Variants in ARHGAP32 observed in about 807,000 individuals in gnomAD.
The protein encoded by ARHGAP32 is rho GTPase-activating protein 32.
In ARHGAP32, 51 loss-of-function variants were observed where a neutral mutation model predicts 186.5. That is an observed-to-expected ratio of 0.27 (90% confidence interval 0.22 to 0.35). The LOEUF (loss-of-function observed/expected upper bound fraction) is 0.35. ARHGAP32 is among the 10% of genes least tolerant of loss of function. The pLI, the probability that ARHGAP32 is intolerant of heterozygous loss-of-function variation, is 1.00. For synonymous variants in ARHGAP32, 950 were observed against 964.3 expected, an observed-to-expected ratio of 0.99 and a Z score of 0.27; for missense variants, 2,186 against 2,623.5, an observed-to-expected ratio of 0.83 and a Z score of 3.64.
At chr11:129,184,619 C>T (rs1230510158) in intron 1 of ARHGAP32, among the ~76,000 whole-genome samples, 2 of 151,718 alleles carry the variant, frequency 1.3e-5, no homozygotes, top group Admixed American at 1.3e-4. Flanking sequence ...TTAATAGAGG[C>T]AAAGGCAATA....
At chr11:129,257,586 C>A (rs1273822915) in intron 1 of ARHGAP32, among the ~76,000 whole-genome samples, 1 of 151,022 alleles carries the variant, frequency 6.6e-6, no homozygotes, top group Admixed American at 6.6e-5. Context: ...CCAGACTGGG[C>A]AACATAACAA....
chr11:129,266,774 T>C (rs1445013168), intron 1 of ARHGAP32, among the ~76,000 whole-genome samples: 3 of 152,228 alleles, frequency 2.0e-5, no homozygotes, highest in East Asian at 1.9e-4. Context: ...CCCCTGACCA[T>C]GGGGCCAGCT....
At position 128,969,726 on chromosome 11, in the gene ARHGAP32, T is replaced by C. The variant is rs559352852; in HGVS notation, c.5487A>G (p.Ala1829=). The stretch of plus-strand genomic sequence containing the variant: ...CTCCCTCGGGACTGATGGCCTTGGC[T>C]GCATGGCGGCTCTCCTTTCCTTCTG... ...SVAEGKESRH[A]AKAISPEGED... Residue 1829 remains alanine (A), a synonymous_variant, in exon 23 of 23, where the codon GCA becomes GCG. Coordinates refer to ENST00000682385, the MANE Select transcript of ARHGAP32 (RefSeq NM_001378024.1). This position sits in a 1 kb window ranked among gnomAD's most constrained non-coding sequence, Gnocchi z 4.8. The C allele has an allele frequency of 4.3e-6, 7 of 1,614,086 alleles. No individual in the cohort carries two copies. Among genetic ancestry groups the C allele is most frequent in the Non-Finnish European group, 5.9e-6 (7 of 1,180,038 alleles).
chr11:129,102,386 A>T (rs1156437062), intron 5 of ARHGAP32, among the ~76,000 whole-genome samples: 1 of 152,182 alleles, frequency 6.6e-6, no homozygotes, highest in East Asian at 1.9e-4. Flanking sequence ...TAAATACCCC[A>T]ATTAAAAGAC....
intron 1 of ARHGAP32, among the ~76,000 whole-genome samples, chr11:129,167,177 G>A (rs1367940116): frequency 4.6e-5 from 7 of 152,068 alleles, no homozygotes; most frequent in Non-Finnish European, 8.8e-5. Flanking sequence ...TATTAAAATG[G>A]TAAACTTAAA....
At chr11:129,278,916 G>GGGGCGC (rs1228146769) in intron 1 of ARHGAP32, among the ~76,000 whole-genome samples, 1 of 148,760 alleles carries the variant, frequency 6.7e-6, no homozygotes, top group Non-Finnish European at 1.5e-5. Context: ...CGGGGAGCGC[G>GGGGCGC]GGGCGCGGGC....
Position 129,148,104 on chromosome 11 carries a change from T to G in ARHGAP32, c.225+16215A>C, listed in dbSNP as rs138554431. On this transcript the variant is annotated intron_variant, in intron 2 of 22. Coordinates refer to ENST00000682385, the MANE Select transcript of ARHGAP32 (RefSeq NM_001378024.1). The stretch of plus-strand genomic sequence containing the variant: ...AAGATAGATGGTGGATAGCAGACAA[T>G]GCTAACGTGTAGCTCCCACTTGGAC... 5.0e-3 allele frequency among the ~76,000 whole-genome samples: 760 copies of G among 152,326 alleles called. 1 individual carries two copies. Among genetic ancestry groups the G allele is most frequent in the African/African-American group, 0.018 (730 of 41,568 alleles).
At chr11:129,097,744 A>C (rs1190682743) in intron 5 of ARHGAP32, among the ~76,000 whole-genome samples, 1 of 152,192 alleles carries the variant, frequency 6.6e-6, no homozygotes, top group African/African-American at 2.4e-5. Flanking sequence ...AGGGACAAAG[A>C]GATTATTTGA....
chr11:129,091,114 T>C (rs1941566633), intron 6 of ARHGAP32, among the ~76,000 whole-genome samples: 1 of 152,084 alleles, frequency 6.6e-6, no homozygotes, highest in Non-Finnish European at 1.5e-5. Flanking sequence ...CACCACAGCA[T>C]CACAGACCTA....
chr11:129,215,675 T>C (rs1293900119), intron 1 of ARHGAP32, among the ~76,000 whole-genome samples: 4 of 152,188 alleles, frequency 2.6e-5, no homozygotes, highest in Non-Finnish European at 5.9e-5. Flanking sequence ...CTCTCCTGTC[T>C]CTCTGAGAAT....
rs1302259578 is a variant in ARHGAP32, at chr11:128,971,018, T to A, written c.4195A>T (p.Lys1399Ter). The change falls in exon 23 of 23, where the codon AAA becomes TAA. Residue 1399 changes from lysine (K) to a stop codon, truncating the protein, a stop_gained. Coordinates refer to ENST00000682385, the MANE Select transcript of ARHGAP32 (RefSeq NM_001378024.1). LOFTEE classifies it high-confidence loss of function. ...ATAVQPGLPE[K>*]VRDGARVPLL... is the part of the protein sequence containing the mutation. The stretch of plus-strand genomic sequence containing the variant: ...GGGACCCGGGCACCGTCCCGCACTT[T>A]CTCAGGCAGGCCTGGCTGGACAGCT... 6.2e-7 allele frequency: 1 copy of A among 1,613,906 alleles called. No homozygotes were observed. Among genetic ancestry groups the A allele is most frequent in the Admixed American group, 1.7e-5 (1 of 60,022 alleles).
intron 1 of ARHGAP32, among the ~76,000 whole-genome samples, chr11:129,252,273 T>G (rs1945196188): frequency 6.6e-6 from 1 of 152,126 alleles, no homozygotes; most frequent in Admixed American, 6.5e-5. Context: ...CACAACAAAC[T>G]CCTACTCTCG....
intron 11 of ARHGAP32, chr11:129,023,744 C>T: frequency 4.2e-6 from 1 of 236,018 alleles, no homozygotes; most frequent in Non-Finnish European, 6.9e-6. Flanking sequence ...AACCATTTAC[C>T]TAAGAGAGCA....
chr11:129,034,823 A>T (rs1178096303), intron 11 of ARHGAP32, among the ~76,000 whole-genome samples: 1 of 145,406 alleles, frequency 6.9e-6, no homozygotes, highest in Non-Finnish European at 1.5e-5. Context: ...GTCTCAAAAA[A>T]AAGAAAAAGA....
In ARHGAP32 at chr11:129,197,916, T is replaced by G. The variant is rs142501679; in HGVS notation, c.-4-33489A>C. 4.2e-3 allele frequency among the ~76,000 whole-genome samples: 638 copies of G among 152,326 alleles called. 9 individuals carry two copies. Among genetic ancestry groups the G allele is most frequent in the African/African-American group, 0.014 (598 of 41,578 alleles). ...ATTATATATACATTGACATTTGGTT[T>G]AATTCACAATGGTATCTAAAGAGGA... On this transcript the variant is annotated intron_variant, in intron 1 of 6. Coordinates refer to the ARHGAP32 transcript ENST00000525234.
At chr11:129,222,073 C>T (rs1944719680) in intron 1 of ARHGAP32, among the ~76,000 whole-genome samples, 2 of 152,124 alleles carry the variant, frequency 1.3e-5, no homozygotes, top group South Asian at 2.1e-4. Context: ...TTGGAGTTTA[C>T]TGAGCAACAG....
At chr11:129,139,132 T>C (rs1942995898) in intron 2 of ARHGAP32, among the ~76,000 whole-genome samples, 1 of 152,176 alleles carries the variant, frequency 6.6e-6, no homozygotes, top group African/African-American at 2.4e-5. Context: ...TATTAGAATA[T>C]GAATTAATAA....
rs749344692 is a variant in ARHGAP32, at chr11:129,082,882, A to AAACAAC, written c.531+10733_531+10738dup. 4.4e-3 allele frequency among the ~76,000 whole-genome samples: 661 copies of AAACAAC among 151,686 alleles called. 4 individuals carry two copies. Among genetic ancestry groups the AAACAAC allele is most frequent in the Non-Finnish European group, 6.7e-3 (454 of 67,850 alleles). Reference sequence around the variant, plus strand: ...GGAACCCAAATAAATCAGCAAGACAAAACAACAACAACAACAACAACAACA... The same window carrying AAACAAC: ...GGAACCCAAATAAATCAGCAAGACAAAACAACAACAACAACAACAACAACAACAACA... On this transcript the variant is annotated intron_variant, in intron 6 of 22. Coordinates refer to ENST00000682385, the MANE Select transcript of ARHGAP32 (RefSeq NM_001378024.1).
At chr11:129,144,077 A>AT in intron 2 of ARHGAP32, among the ~76,000 whole-genome samples, 1 of 152,340 alleles carries the variant, frequency 6.6e-6, no homozygotes, top group African/African-American at 2.4e-5. Flanking sequence ...AAAAATAAGT[A>AT]TGTCACAAGG....
Sources: allele counts gnomAD v4.1 joint callset (sites outside exome capture counted in the v4.1 genomes callset), GRCh38; gene constraint gnomAD v4.1.1; non-coding constraint Gnocchi (gnomAD v3.1); transcripts MANE v1.5; gene names NCBI Gene and HGNC (gene_info 2026-07-23, HGNC 2026-07-21).